Variants in UFSP1 observed in about 807,000 individuals in gnomAD.
UFSP1 encodes ufm1-specific protease 1.
For missense variants in UFSP1, 261 were observed against 182.7 expected (o/e 1.43, Z -2.47); for synonymous variants, 119 against 77.6 (o/e 1.53, Z -2.81).
Position 100,889,008 on chromosome 7 carries a change from C to G in UFSP1, c.264G>C (p.Leu88=). The G allele has an allele frequency of 6.2e-7, 1 of 1,614,168 alleles. No individual in the cohort carries two copies. The highest frequency in any genetic ancestry group is 8.5e-7 in the Non-Finnish European group (1 of 1,180,030). ...TGCCCCAGTAGTGAGGGTCCAATACCAGGACATAGGCTTCCGTGCCTGACC... is the reference window on the plus strand; with the variant it reads ...TGCCCCAGTAGTGAGGGTCCAATACGAGGACATAGGCTTCCGTGCCTGACC... The change falls in exon 1 of 1, where the codon CTG becomes CTC. Residue 88 remains leucine, a synonymous_variant. Transcript: ENST00000388761.
chr7:100,888,939 G>A lies in UFSP1; in HGVS notation c.333C>T (p.Gly111=). Residue 111 remains glycine (G), a synonymous_variant, in exon 1 of 1, where the codon GGC becomes GGT. Transcript: ENST00000388761. ...CAAAGGCTGCACTCACCTCTTGCCA[G>A]CCCACCCACCCAGCAGCCTGTAGTT... The A allele has an allele frequency of 6.2e-7, 1 of 1,614,154 alleles. No homozygotes were observed. The highest frequency in any genetic ancestry group is 1.3e-5 in the African/African-American group (1 of 75,032).
chr7:100,889,523 C>A lies in UFSP1; in HGVS notation c.-252G>T. 1 of 456,486 alleles carries A rather than the reference C, an allele frequency of 2.2e-6. No homozygotes were observed. Among genetic ancestry groups the A allele is most frequent in the East Asian group, 3.6e-5 (1 of 28,142 alleles). 28.3% of individuals were successfully genotyped at this position (456,486 alleles called of 1,614,324 possible). A position where few individuals can be genotyped will look rare whatever the true frequency, so the allele number is the denominator to read the frequency against. On this transcript the variant is annotated 5_prime_UTR_variant, in exon 1 of 1. Coordinates refer to ENST00000388761, the MANE Select transcript of UFSP1 (RefSeq NM_001015072.4). ...AGGGCGGTGGGCGGGAGCGGAGGTC[C>A]CAGGCCAGGCACAGCGTCCTCCTAG...
Position 100,888,880 on chromosome 7 carries a change from C to T in UFSP1, c.392G>A (p.Ser131Asn). ...GCGCTGCTGCTGTTGGGAGCTAAGG[C>T]TGGTCAAGCACAGGTTGTAGAAGGA... is the stretch of plus-strand genomic sequence containing the variant. Residue 131 changes from serine to asparagine, a missense_variant, in exon 1 of 1, where the codon AGC becomes AAC. By Grantham distance (46) the Ser-to-Asn change is conservative. Coordinates refer to ENST00000388761, the MANE Select transcript of UFSP1 (RefSeq NM_001015072.4). The T allele has an allele frequency of 6.2e-7, 1 of 1,613,666 alleles. No homozygotes were observed. The highest frequency in any genetic ancestry group is 8.5e-7 in the Non-Finnish European group (1 of 1,179,738).
chr7:100,888,956 C>G lies in UFSP1; in HGVS notation c.316G>C (p.Ala106Pro). The change falls in exon 1 of 1, where the codon GCT becomes CCT. Residue 106 changes from alanine to proline, a missense_variant. By Grantham distance (27) the Ala-to-Pro change is conservative (BLOSUM62 -1). Transcript: ENST00000388761. ...TCTTGCCAGCCCACCCACCCAGCAG[C>G]CTGTAGTTCACTGGGGCTTTTTGGA... The G allele has an allele frequency of 6.2e-7, 1 of 1,614,172 alleles. No homozygotes were observed. Among genetic ancestry groups the G allele is most frequent in the Non-Finnish European group, 8.5e-7 (1 of 1,180,026 alleles).
In UFSP1 at chr7:100,888,971, G is replaced by T. The variant is rs765149091; in HGVS notation, c.301C>A (p.Pro101Thr). ...CACCCAGCAGCCTGTAGTTCACTGG[G>T]GCTTTTTGGAGTGCCCCAGTAGTGA... The change falls in exon 1 of 1, where the codon CCC becomes ACC. Residue 101 changes from proline to threonine, a missense_variant. Physicochemically the swap from Pro to Thr is conservative, Grantham distance 38. Coordinates refer to ENST00000388761, the MANE Select transcript of UFSP1 (RefSeq NM_001015072.4). 6.2e-7 allele frequency: 1 copy of T among 1,614,176 alleles called. No homozygotes were observed.
Position 100,888,801 on chromosome 7 carries a change from G to T in UFSP1, c.*42C>A. 1 of 1,577,240 alleles carries T rather than the reference G, an allele frequency of 6.3e-7. No individual in the cohort carries two copies. On this transcript the variant is annotated 3_prime_UTR_variant, in exon 1 of 1. Coordinates refer to ENST00000388761, the MANE Select transcript of UFSP1 (RefSeq NM_001015072.4). ...GGACACCAGTGGGAGGTACATAGGT[G>T]CGTGTCTGGGACCCGAGAATCTCAG...
rs1446084649 is a variant in UFSP1 at position 100,888,859 on chromosome 7, T to C, written c.413A>G (p.Gln138Arg). The C allele has an allele frequency of 1.9e-6, 3 of 1,610,342 alleles. No homozygotes were observed. The highest frequency in any genetic ancestry group is 1.1e-5 in the South Asian group (1 of 90,790). ...ACTTCGTCCTCAGTCCAAGGTGCGC[T>C]GCTGCTGTTGGGAGCTAAGGCTGGT... is the stretch of plus-strand genomic sequence containing the variant. The change falls in exon 1 of 1, where the codon CAG becomes CGG. Residue 138 changes from glutamine (Q) to arginine (R), a missense_variant. Coordinates refer to ENST00000388761, the MANE Select transcript of UFSP1 (RefSeq NM_001015072.4).
chr7:100,889,040 A>G lies in UFSP1; in HGVS notation c.232T>C (p.Cys78Arg). Residue 78 changes from cysteine (C) to arginine (R), a missense_variant, in exon 1 of 1, where the codon TGC becomes CGC. Physicochemically the swap from Cys to Arg is radical, Grantham distance 180. Transcript: ENST00000388761. ...TAGGCTTCCGTGCCTGACCCTACGCAGACTCCCAGCAAGGCCTTGGACCTG... is the reference window on the plus strand; with the variant it reads ...TAGGCTTCCGTGCCTGACCCTACGCGGACTCCCAGCAAGGCCTTGGACCTG... 7 of 1,614,180 alleles carry G rather than the reference A, an allele frequency of 4.3e-6. No homozygotes were observed. The highest frequency in any genetic ancestry group is 5.9e-6 in the Non-Finnish European group (7 of 1,180,032).
At position 100,888,799 on chromosome 7, in the gene UFSP1, G is replaced by T. The variant is rs770420898; in HGVS notation, c.*44C>A. ...AGGGACACCAGTGGGAGGTACATAG[G>T]TGCGTGTCTGGGACCCGAGAATCTC... On this transcript the variant is annotated 3_prime_UTR_variant, in exon 1 of 1. Coordinates refer to ENST00000388761, the MANE Select transcript of UFSP1 (RefSeq NM_001015072.4). 9 of 1,576,954 alleles carry T rather than the reference G, an allele frequency of 5.7e-6. No homozygotes were observed. The highest frequency in any genetic ancestry group is 7.8e-6 in the Non-Finnish European group (9 of 1,159,576).
Position 100,889,223 on chromosome 7 carries a change from A to C in UFSP1, c.49T>G (p.Cys17Gly), listed in dbSNP as rs561097507. ...GCGAGGCAGAGGCTGGCCTCCACGC[A>C]GCCGATCCAGTCCCGGGAGCCCCGG... is the stretch of plus-strand genomic sequence containing the variant. Residue 17 changes from cysteine to glycine, a missense_variant, in exon 1 of 1, where the codon TGC becomes GGC. Coordinates refer to ENST00000388761, the MANE Select transcript of UFSP1 (RefSeq NM_001015072.4). The C allele has an allele frequency of 6.3e-7, 1 of 1,586,604 alleles. No homozygotes were observed. The highest frequency in any genetic ancestry group is 8.6e-7 in the Non-Finnish European group (1 of 1,167,598).
In UFSP1 at chr7:100,889,568, G is replaced by A. The variant is rs570279154; in HGVS notation, c.-297C>T. On this transcript the variant is annotated 5_prime_UTR_variant, in exon 1 of 1. Coordinates refer to ENST00000388761, the MANE Select transcript of UFSP1 (RefSeq NM_001015072.4). ...TCCTAGCGGCGCGGAGCGACCTCAG[G>A]CTCCAACACTTCCTTTCGGCTCCGG... 9.7e-6 allele frequency: 4 copies of A among 410,374 alleles called. No individual in the cohort carries two copies. The South Asian group carries it at 2.1e-4, about 21-fold the overall frequency. 25.4% of individuals were successfully genotyped at this position (410,374 alleles called of 1,614,324 possible).
At position 100,888,836 on chromosome 7, in the gene UFSP1, T is replaced by A. The variant is rs1790451639; in HGVS notation, c.*7A>T. The A allele has an allele frequency of 1.3e-6, 2 of 1,596,490 alleles. No individual in the cohort carries two copies. The highest frequency in any genetic ancestry group is 2.2e-5 in the South Asian group (2 of 89,158). On this transcript the variant is annotated 3_prime_UTR_variant, in exon 1 of 1. Transcript: ENST00000388761. The stretch of plus-strand genomic sequence containing the variant: ...GACCCGAGAATCTCAGTTCTGTAAC[T>A]TCGTCCTCAGTCCAAGGTGCGCTGC...
chr7:100,888,986 C>T lies in UFSP1; in HGVS notation c.286G>A (p.Gly96Ser), dbSNP rs551006164. The T allele has an allele frequency of 1.2e-6, 2 of 1,614,152 alleles. No homozygotes were observed. Among genetic ancestry groups the T allele is most frequent in the Admixed American group, 3.3e-5 (2 of 60,018 alleles). Residue 96 changes from glycine (G) to serine (S), a missense_variant, in exon 1 of 1, where the codon GGC becomes AGC. Gly to Ser is a moderately conservative substitution (Grantham distance 56). Transcript: ENST00000388761. ...AGTTCACTGGGGCTTTTTGGAGTGC[C>T]CCAGTAGTGAGGGTCCAATACCAGG...
rs1293970996 is a variant in UFSP1, at chr7:100,889,383, G to T, written c.-112C>A. ...GGTAGCCGCAGCCCCAGCCGCGGTC[G>T]TCCAGGCCGTCGCAGCCGTAGTGGT... On this transcript the variant is annotated 5_prime_UTR_variant, in exon 1 of 1. Transcript: ENST00000388761. 2 of 930,096 alleles carry T rather than the reference G, an allele frequency of 2.2e-6. No homozygotes were observed. The highest frequency in any genetic ancestry group is 2.8e-5 in the East Asian group (1 of 35,314). The allele number at this position is 930,096 out of a possible 1,614,324, so 57.6% of individuals were successfully genotyped here.
rs902093342 is a variant in UFSP1, at chr7:100,889,362, GC to G, written c.-92del. The G allele has an allele frequency of 1.2e-5, 14 of 1,181,410 alleles. No homozygotes were observed. Among genetic ancestry groups the G allele is most frequent in the Non-Finnish European group, 1.4e-5 (12 of 872,984 alleles). 73.2% of individuals were successfully genotyped at this position (1,181,410 alleles called of 1,614,324 possible). On this transcript the variant is annotated 5_prime_UTR_variant, in exon 1 of 1. Coordinates refer to ENST00000388761, the MANE Select transcript of UFSP1 (RefSeq NM_001015072.4). ...AGCACAGCGTCTGCAGAGTGCGGTAGCCGCAGCCCCAGCCGCGGTCGTCCAG... is the reference window on the plus strand; with the variant it reads ...AGCACAGCGTCTGCAGAGTGCGGTAGCGCAGCCCCAGCCGCGGTCGTCCAG...
Position 100,888,774 on chromosome 7 carries a change from A to G in UFSP1, c.*69T>C. On this transcript the variant is annotated 3_prime_UTR_variant, in exon 1 of 1. Transcript: ENST00000388761. Reference sequence around the variant, plus strand: ...TGATGTCAAAAGCGCCAGGCTTTGCAGGGACACCAGTGGGAGGTACATAGG... The same window carrying G: ...TGATGTCAAAAGCGCCAGGCTTTGCGGGGACACCAGTGGGAGGTACATAGG... 2 of 1,557,252 alleles carry G rather than the reference A, an allele frequency of 1.3e-6. No homozygotes were observed. Among genetic ancestry groups the G allele is most frequent in the South Asian group, 2.4e-5 (2 of 83,484 alleles).
In UFSP1 at chr7:100,888,923, C is replaced by CA. The variant is rs78317606; in HGVS notation, c.348dup (p.Ala117CysfsTer4). ...TAGAAGGAGTTGGGGTCAAAGGCTG[C>CA]ACTCACCTCTTGCCAGCCCACCCAC... On this transcript the variant is annotated frameshift_variant, in exon 1 of 1. Coordinates refer to ENST00000388761, the MANE Select transcript of UFSP1 (RefSeq NM_001015072.4). LOFTEE classifies it low-confidence loss of function (END_TRUNC). 9.9e-6 allele frequency: 16 copies of CA among 1,614,144 alleles called. No homozygotes were observed. In the East Asian group the frequency reaches 3.3e-4, roughly 34 times the overall value.
At position 100,889,196 on chromosome 7, in the gene UFSP1, G is replaced by C. The variant is rs757502202; in HGVS notation, c.76C>G (p.His26Asp). Residue 26 changes from histidine (H) to aspartate (D), a missense_variant, in exon 1 of 1, where the codon CAC becomes GAC. By Grantham distance (81) the His-to-Asp change is moderately conservative (BLOSUM62 -1). Coordinates refer to ENST00000388761, the MANE Select transcript of UFSP1 (RefSeq NM_001015072.4). ...AGGCGTCCCTGGGGCCCTCCGAAGT[G>C]AGCGAGGCAGAGGCTGGCCTCCACG... The C allele has an allele frequency of 6.2e-7, 1 of 1,607,516 alleles. No homozygotes were observed. Among genetic ancestry groups the C allele is most frequent in the African/African-American group, 1.3e-5 (1 of 74,856 alleles).
At position 100,889,680 on chromosome 7, in the gene UFSP1, G is replaced by A. The variant is rs17885823; in HGVS notation, c.-409C>T. The A allele has an allele frequency of 5.2e-3, 1,100 of 210,518 alleles. 5 individuals carry two copies. The highest frequency in any genetic ancestry group is 0.024 in the African/African-American group (1,040 of 43,304). The allele number at this position is 210,518 out of a possible 1,614,324, so 13.0% of individuals were successfully genotyped here. The stretch of plus-strand genomic sequence containing the variant: ...TGATCACCGCAGGCCGCAATAGGCA[G>A]CCACCGACCGGCACCGACCGAGGAG... On this transcript the variant is annotated 5_prime_UTR_variant, in exon 1 of 1. Transcript: ENST00000388761.
Sources: allele counts gnomAD v4.1 joint callset, GRCh38; gene constraint gnomAD v4.1.1; transcripts MANE v1.5; gene names NCBI Gene and HGNC (gene_info 2026-07-23, HGNC 2026-07-21).